The following ZDHHC20 variants were observed in gnomAD, a reference collection of about 807,000 sequenced individuals.
ZDHHC20 encodes palmitoyltransferase ZDHHC20.
ZDHHC20 carries 43 observed loss-of-function variants against 57.8 expected under a neutral mutation model. That is an observed-to-expected ratio of 0.74 (90% CI 0.58 to 0.96). ZDHHC20 has a LOEUF of 0.96. Among genes scored for constraint, ZDHHC20 ranks in the 40% least tolerant of loss-of-function variants. The probability of loss-of-function intolerance (pLI) is 0.00; values close to 1 mark genes in which losing one functional copy is unlikely to be tolerated. For missense variants in ZDHHC20, 391 were observed against 441.1 expected (o/e 0.89, Z 1.02); for synonymous variants, 157 against 153.0 (o/e 1.03, Z -0.19).
At chr13:21,441,584 TAGTAGAGACAGG>T (rs1883179031) in intron 1 of ZDHHC20, among the ~76,000 whole-genome samples, 1 of 127,558 alleles carries the variant, frequency 7.8e-6, no homozygotes, top group African/African-American at 3.0e-5. Flanking sequence ...TTTGTATTTT[TAGTAGAGACAGG>T]GTTTCACCGT....
intron 4 of ZDHHC20, among the ~76,000 whole-genome samples, chr13:21,406,440 T>C (rs899590118): frequency 5.3e-5 from 8 of 151,980 alleles, no homozygotes; most frequent in Admixed American, 3.9e-4. Flanking sequence ...AACATACAGG[T>C]TTGTTACATA....
At chr13:21,410,478 T>C (rs1263688900) in intron 4 of ZDHHC20, among the ~76,000 whole-genome samples, 2 of 152,170 alleles carry the variant, frequency 1.3e-5, no homozygotes, top group African/African-American at 4.8e-5. Flanking sequence ...TTCCCCCAGG[T>C]GCTGTGTCCC....
At chr13:21,428,882 CAAAA>C (rs913831523) in intron 1 of ZDHHC20, among the ~76,000 whole-genome samples, 3 of 149,914 alleles carry the variant, frequency 2.0e-5, no homozygotes, top group African/African-American at 7.5e-5. Context: ...TAAAACAAAA[CAAAA>C]GAACAAAACA....
rs1201413200 is a variant in ZDHHC20, at chr13:21,375,410, T to C, written c.*1286A>G. The C allele has an allele frequency of 6.5e-6, 2 of 308,128 alleles. No individual in the cohort carries two copies. The highest frequency in any genetic ancestry group is 2.3e-5 in the African/African-American group (1 of 44,178). 19.1% of individuals were successfully genotyped at this position (308,128 alleles called of 1,614,324 possible). ...TAAATGAGGAGTGACATTTCTACAT[T>C]GTTTATTCTGTACTTTTCCTTGGAG... On this transcript the variant is annotated 3_prime_UTR_variant, in exon 13 of 13. Coordinates refer to ENST00000400590, the MANE Select transcript of ZDHHC20 (RefSeq NM_001330059.2).
intron 1 of ZDHHC20, among the ~76,000 whole-genome samples, chr13:21,435,443 A>T (rs188032870): frequency 1.4e-4 from 22 of 152,342 alleles, no homozygotes; most frequent in Admixed American, 3.3e-4. Context: ...GGAAGTACTA[A>T]AAAAACAATA....
chr13:21,387,470 G>C (rs1874757172), intron 9 of ZDHHC20, 38 bp downstream of exon 9: 2 of 1,425,674 alleles, frequency 1.4e-6, no homozygotes, highest in African/African-American at 2.9e-5. Flanking sequence ...GACTACCACA[G>C]ATGCCATAAT....
chr13:21,446,412 C>A (rs990358153), intron 1 of ZDHHC20, among the ~76,000 whole-genome samples: 1 of 151,982 alleles, frequency 6.6e-6, no homozygotes, highest in Non-Finnish European at 1.5e-5. Flanking sequence ...TAAAAGCTTC[C>A]CAGAAGACTT....
intron 7 of ZDHHC20, among the ~76,000 whole-genome samples, chr13:21,393,189 C>CTTTCTT (rs558145360): frequency 8.4e-5 from 11 of 131,554 alleles, no homozygotes; most frequent in African/African-American, 2.9e-4. Flanking sequence ...TTTCTTTTTT[C>CTTTCTT]TTTTTTTTTT....
intron 4 of ZDHHC20, among the ~76,000 whole-genome samples, chr13:21,408,820 A>G (rs1878815702): frequency 6.6e-6 from 1 of 152,172 alleles, no homozygotes; most frequent in Non-Finnish European, 1.5e-5. Flanking sequence ...TTTTAGCATG[A>G]AAGGTTGCTG....
At chr13:21,434,333 G>C (rs898754596) in intron 1 of ZDHHC20, among the ~76,000 whole-genome samples, 1 of 137,182 alleles carries the variant, frequency 7.3e-6, no homozygotes, top group Non-Finnish European at 1.7e-5. Flanking sequence ...TCGAGATAAT[G>C]ACAATAACAC....
intron 6 of ZDHHC20, among the ~76,000 whole-genome samples, chr13:21,401,161 C>T (rs565684445): frequency 6.6e-6 from 1 of 151,980 alleles, no homozygotes; most frequent in African/African-American, 2.4e-5. Flanking sequence ...TGCCTGCAGT[C>T]CCAGCTACTT....
At chr13:21,382,814 T>C in intron 10 of ZDHHC20, 106 bp downstream of exon 10, 1 of 914,946 alleles carries the variant, frequency 1.1e-6, no homozygotes, top group Non-Finnish European at 1.6e-6. Flanking sequence ...CTAACTATGC[T>C]GGCTTACTAA....
chr13:21,420,698 T>C (rs1375377590), intron 3 of ZDHHC20, among the ~76,000 whole-genome samples: 2 of 152,254 alleles, frequency 1.3e-5, no homozygotes. Context: ...AATTGCAGCA[T>C]ATCTGTTCAT....
chr13:21,396,313 G>A (rs1651469306), intron 7 of ZDHHC20, among the ~76,000 whole-genome samples: 1 of 152,102 alleles, frequency 6.6e-6, no homozygotes, highest in African/African-American at 2.4e-5. Flanking sequence ...TTTAGAAAGA[G>A]TAGATGTAAA....
At chr13:21,452,827 G>A (rs148601733) in intron 1 of ZDHHC20, among the ~76,000 whole-genome samples, 1 of 152,178 alleles carries the variant, frequency 6.6e-6, no homozygotes, top group African/African-American at 2.4e-5. Flanking sequence ...CTAGTAATAT[G>A]CCAATAAGGA....
chr13:21,395,298 C>T (rs970473407), intron 7 of ZDHHC20, among the ~76,000 whole-genome samples: 2 of 151,794 alleles, frequency 1.3e-5, no homozygotes, highest in African/African-American at 4.8e-5. Flanking sequence ...GATCTCCTGA[C>T]CTCGTGATCC....
At chr13:21,435,465 A>C (rs1325724934) in intron 1 of ZDHHC20, among the ~76,000 whole-genome samples, 1 of 152,232 alleles carries the variant, frequency 6.6e-6, no homozygotes, top group Non-Finnish European at 1.5e-5. Context: ...GGACACATCA[A>C]AGCACACAGA....
intron 1 of ZDHHC20, among the ~76,000 whole-genome samples, chr13:21,431,483 T>TA (rs58043937): frequency 6.6e-6 from 1 of 151,364 alleles, no homozygotes; most frequent in African/African-American, 2.4e-5. Context: ...TTTCATTACT[T>TA]AATATCTAAA....
chr13:21,382,275 A>G (rs981167281), intron 10 of ZDHHC20, among the ~76,000 whole-genome samples: 6 of 152,326 alleles, frequency 3.9e-5, no homozygotes, highest in Admixed American at 2.0e-4. Context: ...GGTTCTTCCA[A>G]TATTAATATG....
Sources: allele counts gnomAD v4.1 joint callset (sites outside exome capture counted in the v4.1 genomes callset), GRCh38; gene constraint gnomAD v4.1.1; transcripts MANE v1.5; gene names NCBI Gene and HGNC (gene_info 2026-07-23, HGNC 2026-07-21).